FYB1: variants seen among roughly 807,000 people sequenced by gnomAD.
FYB1 encodes the protein FYN-binding protein 1.
FYB1 carries 41 observed loss-of-function variants against 94.1 expected under a neutral mutation model. That is an observed-to-expected ratio of 0.44 (90% confidence interval 0.34 to 0.57). The LOEUF is 0.57. Among genes scored for constraint, FYB1 ranks in the 20% least tolerant of loss-of-function variants. The probability of loss-of-function intolerance (pLI) is 0.02; values close to 1 mark genes in which losing one functional copy is unlikely to be tolerated. For missense variants in FYB1, 1,050 were observed against 976.8 expected (o/e 1.07, Z -1.00); for synonymous variants, 367 against 353.2 (o/e 1.04, Z -0.44).
chr5:39,132,867 G>C lies in FYB1; in HGVS notation c.1817+1341C>G, dbSNP rs552529008. 1.4e-4 allele frequency among the ~76,000 whole-genome samples: 22 copies of C among 152,266 alleles called. No individual in the cohort carries two copies. In the South Asian group the frequency reaches 2.5e-3, roughly 17 times the overall value. On this transcript the variant is annotated intron_variant, in intron 9 of 18. Transcript: ENST00000512982. ...TGACATAGTCATGAAAATTCTGTAA[G>C]TTACAGAATGTGACGATTTGGAACT...
chr5:39,267,771 T>C (rs1752494097), intron 1 of FYB1, among the ~76,000 whole-genome samples: 1 of 152,218 alleles, frequency 6.6e-6, no homozygotes, highest in Admixed American at 6.5e-5. Flanking sequence ...AAACTTAAAG[T>C]ATGCTGCTTA....
intron 1 of FYB1, among the ~76,000 whole-genome samples, chr5:39,265,367 C>T (rs752044718): frequency 2.0e-5 from 3 of 152,042 alleles, no homozygotes; most frequent in Non-Finnish European, 4.4e-5. Context: ...GCTTACAGTC[C>T]CAGCTACTCA....
At chr5:39,271,675 G>A (rs959784760) in intron 1 of FYB1, among the ~76,000 whole-genome samples, 1 of 152,214 alleles carries the variant, frequency 6.6e-6, no homozygotes, top group Non-Finnish European at 1.5e-5. Context: ...TCAAAATTAA[G>A]ACATAATTAG....
chr5:39,204,250 G>T (rs1249633953), intron 1 of FYB1, among the ~76,000 whole-genome samples: 1 of 152,092 alleles, frequency 6.6e-6, no homozygotes, highest in Non-Finnish European at 1.5e-5. Context: ...CATTTAGTGG[G>T]GGGTAAATAC....
intron 3 of FYB1, among the ~76,000 whole-genome samples, chr5:39,146,094 T>A (rs1742626541): frequency 6.6e-6 from 1 of 151,884 alleles, no homozygotes; most frequent in South Asian, 2.1e-4. Flanking sequence ...TTTGTATTTT[T>A]AATAGAGACA....
chr5:39,270,461 G>T, intron 1 of FYB1: 1 of 1,036,334 alleles, frequency 9.6e-7, no homozygotes, highest in Non-Finnish European at 1.4e-6. Context: ...AAATCCCAAA[G>T]GCTCAGAGGA....
At chr5:39,117,545 G>A (rs1000787097) in intron 16 of FYB1, among the ~76,000 whole-genome samples, 8 of 151,988 alleles carry the variant, frequency 5.3e-5, no homozygotes, top group African/African-American at 1.9e-4. Flanking sequence ...CACTGCCACT[G>A]CCCTTTATCT....
intron 2 of FYB1, among the ~76,000 whole-genome samples, chr5:39,160,696 A>T (rs1744167450): frequency 6.6e-6 from 1 of 152,110 alleles, no homozygotes; most frequent in African/African-American, 2.4e-5. Flanking sequence ...GGGACTACTG[A>T]CTCTTAACTT....
chr5:39,154,990 C>A (rs1404787711), intron 2 of FYB1, among the ~76,000 whole-genome samples: 1 of 152,076 alleles, frequency 6.6e-6, no homozygotes, highest in African/African-American at 2.4e-5. Context: ...GGATATTAAT[C>A]TTTTTGTTTC....
upstream of FYB1, chr5:39,219,631 T>G: frequency 1.0e-6 from 1 of 984,750 alleles, no homozygotes; most frequent in Non-Finnish European, 1.2e-6. Context: ...CTCCCTCCCC[T>G]GACCAGGCAA....
At chr5:39,262,623 A>G (rs992251832) in intron 1 of FYB1, among the ~76,000 whole-genome samples, 5 of 152,254 alleles carry the variant, frequency 3.3e-5, no homozygotes, top group African/African-American at 1.2e-4. Context: ...CATACCCTCT[A>G]TGCCAAAGGA....
chr5:39,234,484 C>T (rs1284877919), intron 1 of FYB1, among the ~76,000 whole-genome samples: 1 of 152,126 alleles, frequency 6.6e-6, no homozygotes, highest in African/African-American at 2.4e-5. Flanking sequence ...AACAGTGTGG[C>T]AATTCCTCAA....
intron 2 of FYB1, among the ~76,000 whole-genome samples, chr5:39,166,362 G>T (rs1447067378): frequency 6.6e-6 from 1 of 151,836 alleles, no homozygotes; most frequent in Non-Finnish European, 1.5e-5. Context: ...CTTGAACCCA[G>T]GAGGTGGAGG....
At chr5:39,141,229 T>C (rs1742155665) in intron 3 of FYB1, 88 bp from the exon 4 acceptor site, 1 of 932,664 alleles carries the variant, frequency 1.1e-6, no homozygotes, top group South Asian at 1.5e-5. Flanking sequence ...TTTCATGAAT[T>C]GTTCTTTTTT....
chr5:39,160,473 A>C (rs1744147540), intron 2 of FYB1, among the ~76,000 whole-genome samples: 1 of 152,238 alleles, frequency 6.6e-6, no homozygotes, highest in African/African-American at 2.4e-5. Flanking sequence ...CCCAGTAGGC[A>C]CCAAAACAAC....
intron 1 of FYB1, among the ~76,000 whole-genome samples, chr5:39,227,858 C>T (rs1750550863): frequency 1.3e-5 from 2 of 152,156 alleles, no homozygotes; most frequent in African/African-American, 4.8e-5. Context: ...TTGAAATTCT[C>T]CTCCTGATTC....
chr5:39,273,936 T>A (rs76671442), intron 1 of FYB1, among the ~76,000 whole-genome samples: 23 of 152,152 alleles, frequency 1.5e-4, no homozygotes, highest in African/African-American at 5.5e-4. Flanking sequence ...TTTTTTTTTT[T>A]CTTTTTGAGA....
chr5:39,150,667 C>G (rs1233296843), intron 3 of FYB1, among the ~76,000 whole-genome samples: 5 of 152,154 alleles, frequency 3.3e-5, no homozygotes, highest in Admixed American at 1.3e-4. Context: ...CTGGAACCAC[C>G]CATTCTAGAT....
At chr5:39,169,763 C>A in intron 2 of FYB1, 1 of 487,802 alleles carries the variant, frequency 2.1e-6, no homozygotes. Context: ...TTGGGATGTG[C>A]TCAGTGCAGG....
Sources: gnomAD v4.1 joint callset for allele counts (sites outside exome capture counted in the v4.1 genomes callset) on GRCh38, gnomAD v4.1.1 for gene constraint, MANE v1.5 for transcripts, NCBI Gene and HGNC (gene_info 2026-07-23, HGNC 2026-07-21) for gene names.